The following KDM5A variants were observed in gnomAD, a reference collection of about 807,000 sequenced individuals.
The protein encoded by KDM5A is lysine demethylase 5A, also known as lysine-specific demethylase 5A.
A neutral mutation model predicts 193.5 loss-of-function variants in KDM5A; 42 were observed. That is an observed-to-expected ratio of 0.22 (90% CI 0.17 to 0.28). KDM5A has a LOEUF of 0.28. Among genes scored for constraint, KDM5A ranks in the 10% least tolerant of loss-of-function variants. The pLI is 1.00. For missense variants in KDM5A, 1,692 were observed against 2,055.1 expected, an observed-to-expected ratio of 0.82 and a Z score of 3.42; for synonymous variants, 796 against 718.1, an observed-to-expected ratio of 1.11 and a Z score of -1.73.
chr12:287,511 A>AG (rs1555125375), intron 27 of KDM5A, among the ~76,000 whole-genome samples: 42 of 150,528 alleles, frequency 2.8e-4, no homozygotes, highest in South Asian at 4.2e-4. Context: ...AAAAAAAAAA[A>AG]GGGGGAAATA....
intron 17 of KDM5A, chr12:322,160 G>T: frequency 4.1e-6 from 2 of 490,450 alleles, no homozygotes; most frequent in Non-Finnish European, 7.4e-6. Flanking sequence ...ACTCCAAGCA[G>T]AGTAAAGAGA....
chr12:307,467 T>C lies in KDM5A; in HGVS notation c.3917A>G (p.Asn1306Ser), dbSNP rs1169289800. 1.2e-6 allele frequency: 2 copies of C among 1,613,088 alleles called. No individual in the cohort carries two copies. Among genetic ancestry groups the C allele is most frequent in the African/African-American group, 1.3e-5 (1 of 75,038 alleles). The change falls in exon 23 of 28, where the codon AAT becomes AGT. Residue 1306 changes from asparagine (N) to serine (S), a missense_variant. Around this residue, in one of 11 missense-constraint regions of KDM5A, gnomAD observed 965 missense variants for 1,061.0 expected, o/e 0.91. Coordinates refer to ENST00000399788, the MANE Select transcript of KDM5A (RefSeq NM_001042603.3). The surrounding 1 kb of genome is among the most constrained non-coding windows in gnomAD (Gnocchi z 4.3). Reference sequence around the variant, plus strand: ...TCCTAAACTTGCCTGTAAGTCTGGATTGGCAGCTGCTTTTTGGAGTTCTGC... The same window carrying C: ...TCCTAAACTTGCCTGTAAGTCTGGACTGGCAGCTGCTTTTTGGAGTTCTGC... ...ISAELQKAAA[N>S]PDLQGHLPSF... is the part of the protein sequence containing the mutation.
chr12:334,697 GAA>G (rs1246779789), intron 10 of KDM5A, among the ~76,000 whole-genome samples: 2 of 151,896 alleles, frequency 1.3e-5, no homozygotes, highest in Admixed American at 6.6e-5. Context: ...AGCCAATCAG[GAA>G]AACAGTATGA....
Position 348,743 on chromosome 12 carries a change from A to C in KDM5A, c.1308+1878T>G, listed in dbSNP as rs147577407. On this transcript the variant is annotated intron_variant, in intron 10 of 27. Coordinates refer to ENST00000399788, the MANE Select transcript of KDM5A (RefSeq NM_001042603.3). Reference sequence around the variant, plus strand: ...ACTTGAACACAGGGCGGGGAACATCACACACTGGGGCCTGTCAGGGGGTGG... The same window carrying C: ...ACTTGAACACAGGGCGGGGAACATCCCACACTGGGGCCTGTCAGGGGGTGG... Among the ~76,000 whole-genome samples the C allele has an allele frequency of 2.7e-3, 413 of 151,786 alleles. 2 individuals carry two copies. Among genetic ancestry groups the C allele is most frequent in the African/African-American group, 9.6e-3 (396 of 41,368 alleles).
chr12:329,839 A>G (rs972331422), intron 13 of KDM5A, among the ~76,000 whole-genome samples: 12 of 152,142 alleles, frequency 7.9e-5, no homozygotes, highest in Non-Finnish European at 1.5e-4. Context: ...CTTCTTTCCT[A>G]TGCTCAGGCA....
In KDM5A at chr12:366,042, A is replaced by C. The variant is rs549083405; in HGVS notation, c.429T>G (p.Gly143=). 6 of 1,613,908 alleles carry C rather than the reference A, an allele frequency of 3.7e-6. No homozygotes were observed. In the South Asian group the frequency reaches 5.5e-5, roughly 15 times the overall value. Residue 143 remains glycine (G), a synonymous_variant, in exon 4 of 28, where the codon GGT becomes GGG. Coordinates refer to ENST00000399788, the MANE Select transcript of KDM5A (RefSeq NM_001042603.3). ...TTCCTGGCAGATATCCCAAGCGACT[A>C]CCCACTTTAGACCATTTCTTCTCTT... ...VTKEKKWSKV[G]SRLGYLPGKG... is the part of the protein sequence containing the mutation.
chr12:318,521 T>C, intron 18 of KDM5A, 60 bp from the exon 19 acceptor site: 2 of 1,285,852 alleles, frequency 1.6e-6, no homozygotes, highest in East Asian at 4.6e-5. Flanking sequence ...CAAAAGAGTA[T>C]GAAATAGACA....
chr12:313,009 G>GA (rs758354071), intron 20 of KDM5A, 47 bp downstream of exon 20: 12 of 1,573,660 alleles, frequency 7.6e-6, no homozygotes, highest in Middle Eastern at 1.7e-4. Context: ...ATTAATCCAT[G>GA]AAACAGGCAT....
chr12:290,513 TAGATTTTGTTTAA>T (rs1024644129), intron 27 of KDM5A, among the ~76,000 whole-genome samples: 31 of 152,230 alleles, frequency 2.0e-4, no homozygotes, highest in Admixed American at 1.4e-3. Flanking sequence ...ATGATAACTC[TAGATTTTGTTTAA>T]AGATTTTGTT....
intron 1 of KDM5A, among the ~76,000 whole-genome samples, chr12:386,440 T>C (rs6489477): frequency 0.72 from 109,175 of 152,160 alleles, 39,390 homozygotes; most frequent in Middle Eastern, 0.79. Context: ...GGCATCACCA[T>C]CATTCCTGAC....
rs377135756 is a variant in KDM5A, at chr12:356,018, CA to C, written c.778+413del. Among the ~76,000 whole-genome samples, 36 of 152,262 alleles carry C rather than the reference CA, an allele frequency of 2.4e-4. No homozygotes were observed. In the East Asian group the frequency reaches 6.4e-3, roughly 27 times the overall value. ...ATTCAAATGAACTGACATAATATAT[CA>C]AGGGCAATTACTTTAAAAATTAAAA... On this transcript the variant is annotated intron_variant, in intron 6 of 27. Transcript: ENST00000399788.
chr12:355,366 G>T, intron 6 of KDM5A, 117 bp from the exon 7 acceptor site: 1 of 703,094 alleles, frequency 1.4e-6, no homozygotes, highest in East Asian at 2.7e-5. Context: ...TTATCTAGAG[G>T]TAGATATACT....
chr12:388,442 A>T, intron 1 of KDM5A: 2 of 396,892 alleles, frequency 5.0e-6, no homozygotes, highest in South Asian at 3.7e-5. Flanking sequence ...CACTGCGGCA[A>T]TAATTAGTCT....
chr12:347,611 T>C (rs751960042), intron 10 of KDM5A, among the ~76,000 whole-genome samples: 3 of 152,048 alleles, frequency 2.0e-5, no homozygotes, highest in Non-Finnish European at 4.4e-5. Flanking sequence ...TAACACCACA[T>C]ATCCACAACC....
intron 3 of KDM5A, among the ~76,000 whole-genome samples, chr12:378,561 C>T (rs1591941158): frequency 1.3e-5 from 2 of 152,276 alleles, no homozygotes; most frequent in East Asian, 3.9e-4. Flanking sequence ...CCACTATACC[C>T]AGCCAAAGCC....
In KDM5A at chr12:323,072, GA is replaced by G. The variant is rs778191925; in HGVS notation, c.2275+9del. On this transcript the variant is annotated intron_variant, in intron 16 of 27. Coordinates refer to ENST00000399788, the MANE Select transcript of KDM5A (RefSeq NM_001042603.3). The stretch of plus-strand genomic sequence containing the variant: ...ATTCAGTATATGCATACAAAAGAAG[GA>G]AATTTAACCTTTTTTGTGGTTGAAG... The G allele has an allele frequency of 1.2e-6, 2 of 1,613,184 alleles. No homozygotes were observed. Among genetic ancestry groups the G allele is most frequent in the South Asian group, 2.2e-5 (2 of 91,022 alleles).
chr12:339,635 T>C (rs1943976172), intron 10 of KDM5A, among the ~76,000 whole-genome samples: 1 of 152,124 alleles, frequency 6.6e-6, no homozygotes, highest in South Asian at 2.1e-4. Flanking sequence ...TTCCAACAAG[T>C]TAATCCAAAA....
chr12:383,487 G>T (rs1048514288), intron 3 of KDM5A, among the ~76,000 whole-genome samples: 2 of 151,764 alleles, frequency 1.3e-5, no homozygotes, highest in Non-Finnish European at 2.9e-5. Context: ...AAAGTGCTGG[G>T]ATTACAGGCA....
Position 307,413 on chromosome 12 carries a change from T to C in KDM5A, c.3930+41A>G, listed in dbSNP as rs1235513717. On this transcript the variant is annotated intron_variant, in intron 23 of 27. Coordinates refer to ENST00000399788, the MANE Select transcript of KDM5A (RefSeq NM_001042603.3). The surrounding 1 kb of genome is among the most constrained non-coding windows in gnomAD (Gnocchi z 4.3). ...TCAATTTACTATTTATACACTGACA[T>C]ATCCCATGAAATAGAAAAAGAATGT... The C allele has an allele frequency of 6.3e-7, 1 of 1,577,838 alleles. No individual in the cohort carries two copies. Among genetic ancestry groups the C allele is most frequent in the Non-Finnish European group, 8.7e-7 (1 of 1,148,784 alleles).
Sources: gnomAD v4.1 joint callset for allele counts (sites outside exome capture counted in the v4.1 genomes callset) on GRCh38, gnomAD v4.1.1 for gene constraint, gnomAD v4.1.1 regional missense constraint, Gnocchi (gnomAD v3.1) non-coding constraint, MANE v1.5 for transcripts, NCBI Gene and HGNC (gene_info 2026-07-23, HGNC 2026-07-21) for gene names.